Variants in NDST3 observed in about 807,000 individuals in gnomAD.
NDST3 encodes the protein bifunctional heparan sulfate N-deacetylase/N-sulfotransferase 3.
A neutral mutation model predicts 96.1 loss-of-function variants in NDST3; 58 were observed. That is an observed-to-expected ratio of 0.60 (90% CI 0.49 to 0.75). The LOEUF is 0.75. Among genes scored for constraint, NDST3 ranks in the 30% least tolerant of loss-of-function variants. The pLI is 0.00. For missense variants in NDST3, 788 were observed against 1,034.2 expected, an observed-to-expected ratio of 0.76 and a Z score of 3.27; for synonymous variants, 333 against 359.7, an observed-to-expected ratio of 0.93 and a Z score of 0.84.
chr4:118,064,667 C>T (rs1046022663), intron 2 of NDST3, among the ~76,000 whole-genome samples: 12 of 152,010 alleles, frequency 7.9e-5, no homozygotes, highest in African/African-American at 2.9e-4. Context: ...TTATTAGTTA[C>T]ACCAATTACT....
intron 6 of NDST3, among the ~76,000 whole-genome samples, chr4:118,172,494 A>T (rs991457360): frequency 8.5e-5 from 13 of 152,196 alleles, no homozygotes; most frequent in African/African-American, 3.1e-4. Flanking sequence ...CTTATGAATA[A>T]TTTGGTGATA....
intron 1 of NDST3, among the ~76,000 whole-genome samples, chr4:118,040,875 A>G (rs1296944130): frequency 1.9e-5 from 1 of 52,530 alleles, no homozygotes; most frequent in African/African-American, 3.4e-5. Context: ...TTTTATATAT[A>G]TATATATTTA....
At chr4:118,040,484 T>C (rs766486797) in intron 1 of NDST3, among the ~76,000 whole-genome samples, 1 of 152,124 alleles carries the variant, frequency 6.6e-6, no homozygotes, top group African/African-American at 2.4e-5. Flanking sequence ...ATCTCTGCAC[T>C]AAGGGTGGGC....
chr4:118,255,992 C>G lies in NDST3; in HGVS notation c.*280C>G, dbSNP rs908195448. ...AGTCAATTGCAACCAACATAAATAT[C>G]AAACACAAATGCAGAACTGTTCCAT... On this transcript the variant is annotated 3_prime_UTR_variant, in exon 14 of 14. Coordinates refer to ENST00000296499, the MANE Select transcript of NDST3 (RefSeq NM_004784.3). The G allele has an allele frequency of 4.6e-6, 1 of 216,606 alleles. No homozygotes were observed. The highest frequency in any genetic ancestry group is 2.3e-5 in the African/African-American group (1 of 43,886). The allele number at this position is 216,606 out of a possible 1,614,324, so 13.4% of individuals were successfully genotyped here.
chr4:118,215,299 C>CA (rs1739120935), intron 6 of NDST3, among the ~76,000 whole-genome samples: 1 of 151,988 alleles, frequency 6.6e-6, no homozygotes, highest in African/African-American at 2.4e-5. Flanking sequence ...AAAACAGTGT[C>CA]AAAAAAGCCA....
intron 2 of NDST3, among the ~76,000 whole-genome samples, chr4:118,066,245 T>C (rs1436087990): frequency 1.3e-4 from 6 of 47,696 alleles, no homozygotes; most frequent in African/African-American, 5.0e-4. Flanking sequence ...ATATATTATA[T>C]ATATTATATA....
chr4:118,234,351 C>T (rs2126001383), intron 9 of NDST3, among the ~76,000 whole-genome samples: 1 of 152,142 alleles, frequency 6.6e-6, no homozygotes, highest in East Asian at 1.9e-4. Context: ...GAGGTTGAGG[C>T]TGCAATGAGC....
chr4:118,113,363 G>A (rs1730799905), intron 3 of NDST3, among the ~76,000 whole-genome samples: 1 of 152,196 alleles, frequency 6.6e-6, no homozygotes, highest in South Asian at 2.1e-4. Context: ...GTACGTAGTG[G>A]AGAGGAAGTT....
At chr4:118,164,071 T>C (rs543864616) in intron 6 of NDST3, among the ~76,000 whole-genome samples, 13 of 152,078 alleles carry the variant, frequency 8.5e-5, no homozygotes, top group Non-Finnish European at 1.5e-4. Flanking sequence ...CTATTTACAA[T>C]AGCAGACATG....
At chr4:118,209,402 A>G (rs1225859982) in intron 6 of NDST3, among the ~76,000 whole-genome samples, 1 of 152,224 alleles carries the variant, frequency 6.6e-6, no homozygotes, top group Admixed American at 6.5e-5. Context: ...AGAACATTAG[A>G]ACAGCATGAG....
chr4:118,074,560 C>T (rs945850351), intron 2 of NDST3, among the ~76,000 whole-genome samples: 2 of 152,090 alleles, frequency 1.3e-5, no homozygotes, highest in African/African-American at 2.4e-5. Context: ...AGAAGGATAA[C>T]AACTCCTGCT....
intron 2 of NDST3, among the ~76,000 whole-genome samples, chr4:118,067,932 TAAAAAGA>T (rs1367342878): frequency 1.3e-5 from 2 of 150,226 alleles, no homozygotes; most frequent in Non-Finnish European, 1.5e-5. Flanking sequence ...AATAAATAAA[TAAAAAGA>T]AAAAAGAAAA....
intron 4 of NDST3, among the ~76,000 whole-genome samples, chr4:118,135,559 A>G (rs954879474): frequency 3.3e-5 from 5 of 152,150 alleles, no homozygotes; most frequent in African/African-American, 1.2e-4. Context: ...TAATGCCCTT[A>G]TGACTAGCAT....
intron 3 of NDST3, among the ~76,000 whole-genome samples, chr4:118,109,886 A>G (rs1730504909): frequency 6.6e-6 from 1 of 152,148 alleles, no homozygotes; most frequent in South Asian, 2.1e-4. Context: ...ATCTTGTTTG[A>G]TTTATTTTAA....
chr4:118,134,850 A>T (rs1405564034), intron 4 of NDST3, among the ~76,000 whole-genome samples: 1 of 152,206 alleles, frequency 6.6e-6, no homozygotes, highest in Non-Finnish European at 1.5e-5. Flanking sequence ...TAGATTTCAG[A>T]GTTCCTAGAT....
At chr4:118,040,908 T>C (rs1724424432) in intron 1 of NDST3, among the ~76,000 whole-genome samples, 1 of 146,716 alleles carries the variant, frequency 6.8e-6, no homozygotes, top group Non-Finnish European at 1.5e-5. Flanking sequence ...TTTATATATA[T>C]ATAAAATTTT....
At chr4:118,224,441 T>C (rs376314388) in intron 6 of NDST3, 50 bp from the exon 7 acceptor site, 1 of 1,511,402 alleles carries the variant, frequency 6.6e-7, no homozygotes, top group South Asian at 1.3e-5. Context: ...TACTGCCCTC[T>C]AGTGTCAAAA....
chr4:118,164,338 C>T (rs1019058980), intron 6 of NDST3, among the ~76,000 whole-genome samples: 2 of 152,044 alleles, frequency 1.3e-5, no homozygotes, highest in Non-Finnish European at 2.9e-5. Context: ...TTGGGCTGAC[C>T]ACAGGGTTGA....
chr4:118,034,556 T>C lies in NDST3; in HGVS notation c.-192T>C, dbSNP rs1339990809. 1 of 152,210 alleles carries C rather than the reference T, an allele frequency of 6.6e-6. No homozygotes were observed. The highest frequency in any genetic ancestry group is 2.4e-5 in the African/African-American group (1 of 41,452). 9.4% of individuals were successfully genotyped at this position (152,210 alleles called of 1,614,324 possible). A position where few individuals can be genotyped will look rare whatever the true frequency, so the allele number is the denominator to read the frequency against. The stretch of plus-strand genomic sequence containing the variant: ...CCGTTTCTTTTCCATCTATTGCAAC[T>C]TTCTCAAGCATTTTCAGCTCTGAAC... On this transcript the variant is annotated 5_prime_UTR_variant, in exon 1 of 14. Transcript: ENST00000296499.
Sources: allele counts gnomAD v4.1 joint callset (sites outside exome capture counted in the v4.1 genomes callset), GRCh38; gene constraint gnomAD v4.1.1; transcripts MANE v1.5; gene names NCBI Gene and HGNC (gene_info 2026-07-23, HGNC 2026-07-21).